RABGAP1: variants seen among roughly 807,000 people sequenced by gnomAD.
RABGAP1 encodes rab GTPase-activating protein 1.
In RABGAP1, 23 loss-of-function variants were observed where a neutral mutation model predicts 137.6. The ratio of observed to expected loss-of-function variants is 0.17; its 90% CI spans 0.12 to 0.24. The LOEUF is 0.24. Ranked by LOEUF, RABGAP1 falls within the 10% of genes least tolerant of loss-of-function variation. RABGAP1 has a pLI of 1.00. For synonymous variants in RABGAP1, 451 were observed against 450.7 expected (o/e 1.00, Z -0.01); for missense variants, 906 against 1,275.8 (o/e 0.71, Z 4.42).
intron 1 of RABGAP1, among the ~76,000 whole-genome samples, chr9:122,952,223 T>C (rs1406345984): frequency 6.6e-6 from 1 of 152,170 alleles, no homozygotes; most frequent in Non-Finnish European, 1.5e-5. Flanking sequence ...CCCAGCACTT[T>C]GGGTGGCTGA....
chr9:122,979,297 C>G (rs1835931160), intron 2 of RABGAP1, among the ~76,000 whole-genome samples: 2 of 152,144 alleles, frequency 1.3e-5, no homozygotes, highest in African/African-American at 4.8e-5. Flanking sequence ...TATTTGCCAT[C>G]TGTGTATCTT....
intron 1 of RABGAP1, among the ~76,000 whole-genome samples, chr9:122,948,030 C>A (rs1834030524): frequency 6.8e-6 from 1 of 147,410 alleles, no homozygotes; most frequent in Non-Finnish European, 1.5e-5. Flanking sequence ...AAACAAAGTT[C>A]AGAGCCAGGA....
intron 13 of RABGAP1, among the ~76,000 whole-genome samples, chr9:123,064,081 T>C (rs972511865): frequency 3.9e-5 from 6 of 152,144 alleles, no homozygotes; most frequent in Non-Finnish European, 5.9e-5. Context: ...TCTCTCATTT[T>C]CTCACTCTCG....
chr9:122,966,531 TAAAA>T (rs1293428391), intron 2 of RABGAP1, among the ~76,000 whole-genome samples: 1 of 150,724 alleles, frequency 6.6e-6, no homozygotes, highest in Non-Finnish European at 1.5e-5. Context: ...CTCGAAAAAA[TAAAA>T]AAATAAATAA....
chr9:123,073,471 AAT>A, intron 15 of RABGAP1, 79 bp from the exon 16 acceptor site: 1 of 1,507,108 alleles, frequency 6.6e-7, no homozygotes. Context: ...AGCTGGATTT[AAT>A]ATCCTGAGAA....
intron 14 of RABGAP1, among the ~76,000 whole-genome samples, chr9:123,068,348 C>CAAAAAAAAAAAAAAAAA (rs998962006): frequency 1.5e-5 from 1 of 66,532 alleles, no homozygotes. Flanking sequence ...GACTCCATCT[C>CAAAAAAAAAAAAAAAAA]AAAAAAAAAA....
chr9:123,066,616 C>T (rs891057013), intron 14 of RABGAP1, among the ~76,000 whole-genome samples: 1 of 152,172 alleles, frequency 6.6e-6, no homozygotes, highest in Non-Finnish European at 1.5e-5. Context: ...CAGAGGCCTT[C>T]CTCTGGGTGC....
intron 13 of RABGAP1, among the ~76,000 whole-genome samples, chr9:123,024,532 C>T (rs1004312638): frequency 5.3e-5 from 8 of 151,996 alleles, no homozygotes; most frequent in South Asian, 4.2e-4. Flanking sequence ...CTCCGCCTCC[C>T]GGGTTCAAAC....
chr9:123,012,728 A>G (rs1367134646), intron 11 of RABGAP1, among the ~76,000 whole-genome samples: 2 of 152,254 alleles, frequency 1.3e-5, no homozygotes, highest in Admixed American at 6.5e-5. Context: ...ATACCACAAC[A>G]TCTGATATGT....
intron 2 of RABGAP1, among the ~76,000 whole-genome samples, chr9:122,974,950 A>C (rs936334212): frequency 1.3e-4 from 20 of 152,214 alleles, no homozygotes; most frequent in Non-Finnish European, 5.9e-5. Flanking sequence ...TTAGTAACTA[A>C]ATCTTCAAAT....
chr9:123,043,206 A>C (rs1015943288), intron 13 of RABGAP1, among the ~76,000 whole-genome samples: 3 of 152,318 alleles, frequency 2.0e-5, no homozygotes, highest in Non-Finnish European at 4.4e-5. Flanking sequence ...GAAATAAATA[A>C]AGAGATACAG....
rs201053287 is a variant in RABGAP1 at position 123,020,426 on chromosome 9, C to T, written c.1761C>T (p.His587=). Residue 587 remains histidine (H), a synonymous_variant, in exon 13 of 26, where the codon CAC becomes CAT. Coordinates refer to ENST00000373647, the MANE Select transcript of RABGAP1 (RefSeq NM_012197.4). ...TAGCAGGCTGTCATAACAATGACCA[C>T]CTGGTAGAGAAATACCGCATTCTTA... The part of the protein sequence containing the change: ...QLLAGCHNND[H]LVEKYRILIT... 6.2e-7 allele frequency: 1 copy of T among 1,603,898 alleles called. No individual in the cohort carries two copies. Among genetic ancestry groups the T allele is most frequent in the Non-Finnish European group, 8.5e-7 (1 of 1,174,892 alleles).
intron 13 of RABGAP1, among the ~76,000 whole-genome samples, chr9:123,022,523 C>CAAAAAAAAAAATAAATAAATAAAT (rs1554719431): frequency 6.6e-6 from 1 of 152,032 alleles, no homozygotes; most frequent in Non-Finnish European, 1.5e-5. Context: ...TCTCCTGCCG[C>CAAAAAAAAAAATAAATAAATAAAT]AGCCCCCTGA....
chr9:123,032,395 C>T (rs745664279), intron 13 of RABGAP1, among the ~76,000 whole-genome samples: 6 of 152,216 alleles, frequency 3.9e-5, no homozygotes, highest in African/African-American at 7.2e-5. Context: ...CCACACACTT[C>T]GCTCTGTTTC....
intron 22 of RABGAP1, among the ~76,000 whole-genome samples, chr9:123,098,157 C>A (rs937709920): frequency 6.6e-6 from 1 of 152,196 alleles, no homozygotes; most frequent in Admixed American, 6.5e-5. Context: ...GGCTGTTTCC[C>A]TACTTGTCCT....
rs1196036560 is a variant in RABGAP1 at position 122,991,779 on chromosome 9, A to T, written c.923+1566A>T. 2.7e-5 allele frequency among the ~76,000 whole-genome samples: 4 copies of T among 150,646 alleles called. No homozygotes were observed. In the East Asian group the frequency reaches 7.9e-4, roughly 30 times the overall value. On this transcript the variant is annotated intron_variant, in intron 6 of 25. Coordinates refer to ENST00000373647, the MANE Select transcript of RABGAP1 (RefSeq NM_012197.4). ...CACTATGTCTGGCTAATTTTTTTTTAAGTTTTTCTAGAGATGGGGTCTTGC... is the reference window on the plus strand; with the variant it reads ...CACTATGTCTGGCTAATTTTTTTTTTAGTTTTTCTAGAGATGGGGTCTTGC...
chr9:122,989,460 A>G lies in RABGAP1; in HGVS notation c.754A>G (p.Ile252Val). Reference sequence around the variant, plus strand: ...CAGAATACACGTCTTCCGGTGTGAAATACAAGAAGCTGTAAGTCCTCAAGA... The same window carrying G: ...CAGAATACACGTCTTCCGGTGTGAAGTACAAGAAGCTGTAAGTCCTCAAGA... ...LFRIHVFRCEIQEAVSRILYS... is the reference protein window; with the variant it reads ...LFRIHVFRCEVQEAVSRILYS... Residue 252 changes from isoleucine to valine, a missense_variant, in exon 5 of 26, where the codon ATA becomes GTA. Ile to Val is a conservative substitution (Grantham distance 29). Transcript: ENST00000373647. 3 of 1,613,968 alleles carry G rather than the reference A, an allele frequency of 1.9e-6. No homozygotes were observed. The highest frequency in any genetic ancestry group is 1.1e-5 in the South Asian group (1 of 91,082).
At chr9:123,020,756 A>T in intron 13 of RABGAP1, 1 of 323,992 alleles carries the variant, frequency 3.1e-6, no homozygotes, top group Non-Finnish European at 4.4e-6. Flanking sequence ...CAATGTGTAA[A>T]AATTTTCTTT....
chr9:122,987,633 TATAA>T (rs1836440438), intron 4 of RABGAP1, among the ~76,000 whole-genome samples: 1 of 152,314 alleles, frequency 6.6e-6, no homozygotes, highest in Non-Finnish European at 1.5e-5. Flanking sequence ...ATGAATGGGT[TATAA>T]ATAAATAACC....
Sources: gnomAD v4.1 joint callset for allele counts (sites outside exome capture counted in the v4.1 genomes callset) on GRCh38, gnomAD v4.1.1 for gene constraint, MANE v1.5 for transcripts, NCBI Gene and HGNC (gene_info 2026-07-23, HGNC 2026-07-21) for gene names.